ENDOV: variants seen among roughly 807,000 people sequenced by gnomAD.
ENDOV encodes hEndoV.
In ENDOV, 37 loss-of-function variants were observed where a neutral mutation model predicts 39.4. The ratio of observed to expected loss-of-function variants is 0.94; its 90% CI spans 0.72 to 1.23. ENDOV has a LOEUF of 1.23. ENDOV is among the 50% of genes most tolerant of loss of function. The pLI is 0.00. For missense variants in ENDOV, 441 were observed against 375.7 expected, an observed-to-expected ratio of 1.17 and a Z score of -1.44; for synonymous variants, 186 against 163.4, an observed-to-expected ratio of 1.14 and a Z score of -1.05.
intron 4 of ENDOV, among the ~76,000 whole-genome samples, chr17:80,422,686 C>T (rs1298689359): frequency 6.6e-6 from 1 of 152,006 alleles, no homozygotes; most frequent in Non-Finnish European, 1.5e-5. Context: ...GCCTAGGGAG[C>T]GTGGCTGAGG....
At chr17:80,423,986 C>A in intron 5 of ENDOV, 2 of 254,842 alleles carry the variant, frequency 7.8e-6, no homozygotes, top group Non-Finnish European at 1.5e-5. Context: ...CCCCGCCTTG[C>A]CCCAGCCCCT....
rs1371146070 is a variant in ENDOV, at chr17:80,415,919, C to T, written c.228+98C>T. ...GCAGTGCAAGCGTAGAACCCGGCTT[C>T]TCGTTTTGTAGGATGTCATTAATAG... is the stretch of plus-strand genomic sequence containing the variant. On this transcript the variant is annotated intron_variant, in intron 2 of 9. Coordinates refer to ENST00000518137, the MANE Select transcript of ENDOV (RefSeq NM_173627.5). The T allele has an allele frequency of 2.1e-6, 3 of 1,441,846 alleles. No individual in the cohort carries two copies. In the African/African-American group the frequency reaches 4.4e-5, roughly 21 times the overall value. The allele number at this position is 1,441,846 out of a possible 1,614,324, so 89.3% of individuals were successfully genotyped here.
Position 80,436,229 on chromosome 17 carries a change from A to C in ENDOV, c.*86A>C. 6.5e-7 allele frequency: 1 copy of C among 1,535,238 alleles called. No individual in the cohort carries two copies. The highest frequency in any genetic ancestry group is 8.8e-7 in the Non-Finnish European group (1 of 1,142,668). On this transcript the variant is annotated 3_prime_UTR_variant, in exon 10 of 10. Coordinates refer to ENST00000518137, the MANE Select transcript of ENDOV (RefSeq NM_173627.5). The stretch of plus-strand genomic sequence containing the variant: ...CACGTCCTCGTCTCGTTCCTGATCG[A>C]ACGCGGTGGTGAGAGCACACATCCT...
chr17:80,419,939 A>G (rs901443312), intron 2 of ENDOV: 19 of 443,020 alleles, frequency 4.3e-5, no homozygotes, highest in African/African-American at 3.5e-4. Flanking sequence ...CCTGCCCCCT[A>G]CGCTAATCAT....
At chr17:80,415,873 G>T (rs970700191) in intron 2 of ENDOV, 52 bp downstream of exon 2, 77 of 1,547,274 alleles carry the variant, frequency 5.0e-5, no homozygotes, top group Non-Finnish European at 6.4e-5. Context: ...GGGCTCGGGC[G>T]TGCGGTCTCC....
At chr17:80,430,152 C>T in intron 9 of ENDOV, 2 of 1,513,160 alleles carry the variant, frequency 1.3e-6, no homozygotes, top group Non-Finnish European at 1.8e-6. Flanking sequence ...TTTGCTCCGT[C>T]ATCGGCTGGT....
chr17:80,429,724 A>G, intron 8 of ENDOV, 49 bp from the exon 9 acceptor site: 1 of 1,538,004 alleles, frequency 6.5e-7, no homozygotes, highest in Non-Finnish European at 8.8e-7. Context: ...AGGGGGTGTC[A>G]GGTAGGCGCT....
intron 7 of ENDOV, chr17:80,427,999 C>T: frequency 1.2e-6 from 1 of 812,792 alleles, no homozygotes; most frequent in African/African-American, 1.8e-5. Flanking sequence ...GGGGACTTCC[C>T]AGGGCCAGAC....
chr17:80,427,481 A>G (rs2082850248), intron 7 of ENDOV: 1 of 985,472 alleles, frequency 1.0e-6, no homozygotes, highest in Middle Eastern at 5.2e-4. Flanking sequence ...AGCACCAGCA[A>G]AGAGCCTGCC....
intron 2 of ENDOV, chr17:80,416,321 G>C (rs2081174126): frequency 6.4e-6 from 1 of 156,580 alleles, no homozygotes; most frequent in Admixed American, 6.6e-5. Flanking sequence ...TGACTATTAA[G>C]AATCAGCTCA....
chr17:80,430,057 C>G, intron 9 of ENDOV: 1 of 1,535,796 alleles, frequency 6.5e-7, no homozygotes. Flanking sequence ...CACCCAGTCC[C>G]CAAAGACAGG....
chr17:80,427,626 T>G, intron 7 of ENDOV: 1 of 1,178,668 alleles, frequency 8.5e-7, no homozygotes, highest in East Asian at 6.5e-5. Flanking sequence ...TGGCTCTGTC[T>G]CTCGGTCCAT....
chr17:80,422,392 C>G, intron 4 of ENDOV, 147 bp downstream of exon 4: 1 of 939,532 alleles, frequency 1.1e-6, no homozygotes, highest in African/African-American at 1.7e-5. Context: ...GCAACGGGGA[C>G]GCGCAGTGCG....
chr17:80,424,550 C>T (rs979693461), intron 5 of ENDOV, among the ~76,000 whole-genome samples: 1 of 152,254 alleles, frequency 6.6e-6, no homozygotes, highest in Admixed American at 6.5e-5. Flanking sequence ...AAGACCACTT[C>T]ACCGCCTGCA....
intron 2 of ENDOV, 61 bp from the exon 3 acceptor site, chr17:80,421,767 C>G: frequency 6.5e-7 from 1 of 1,546,886 alleles, no homozygotes; most frequent in East Asian, 2.4e-5. Flanking sequence ...CATGGACGGA[C>G]TGGGGATGGA....
chr17:80,432,769 G>A (rs1252218128), intron 9 of ENDOV, among the ~76,000 whole-genome samples: 3 of 152,064 alleles, frequency 2.0e-5, no homozygotes, highest in Admixed American at 6.6e-5. Flanking sequence ...GGAGTCATGG[G>A]GGCGTGTGGG....
At chr17:80,429,635 G>C (rs1006503478) in intron 8 of ENDOV, 138 bp from the exon 9 acceptor site, 8 of 797,504 alleles carry the variant, frequency 1.0e-5, no homozygotes, top group Middle Eastern at 3.6e-4. Flanking sequence ...AGCGTGCTCT[G>C]CCCTGCCCTC....
rs41303555 is a variant in ENDOV, at chr17:80,436,256, G to A, written c.*113G>A. 8.2e-5 allele frequency: 120 copies of A among 1,465,220 alleles called. 7 individuals carry two copies. In the African/African-American group the frequency reaches 9.5e-4, roughly 12 times the overall value. 90.8% of individuals were successfully genotyped at this position (1,465,220 alleles called of 1,614,324 possible). ...CGCGGTGGTGAGAGCACACATCCTC[G>A]TCTCGTTCCTGATCGAACGCGGTGG... On this transcript the variant is annotated 3_prime_UTR_variant, in exon 10 of 10. Transcript: ENST00000518137.
rs1456386378 is a variant in ENDOV, at chr17:80,421,861, A to G, written c.262A>G (p.Thr88Ala). The change falls in exon 3 of 10, where the codon ACA becomes GCA. Residue 88 changes from threonine to alanine, a missense_variant. Transcript: ENST00000518137. The part of the protein sequence containing the change: ...VYEESRMVSL[T>A]APYVSGFLAF... ...TGAGGAGAGCCGCATGGTCAGCCTC[A>G]CAGCCCCCTACGTGTCGGGCTTCCT... is the stretch of plus-strand genomic sequence containing the variant. 1.2e-6 allele frequency: 2 copies of G among 1,603,918 alleles called. No individual in the cohort carries two copies. Among genetic ancestry groups the G allele is most frequent in the Non-Finnish European group, 1.7e-6 (2 of 1,175,878 alleles).
Sources: gnomAD v4.1 joint callset for allele counts (sites outside exome capture counted in the v4.1 genomes callset) on GRCh38, gnomAD v4.1.1 for gene constraint, MANE v1.5 for transcripts, NCBI Gene and HGNC (gene_info 2026-07-23, HGNC 2026-07-21) for gene names.